STAG1: variants seen among roughly 807,000 people sequenced by gnomAD.
STAG1 encodes cohesin subunit SA-1.
STAG1 carries 26 observed loss-of-function variants against 170.9 expected under a neutral mutation model. That is an observed-to-expected ratio of 0.15 (90% CI 0.11 to 0.21). The LOEUF (loss-of-function observed/expected upper bound fraction) is 0.21, where lower values mean the gene tolerates loss of function less well. Ranked by LOEUF, STAG1 falls within the 10% of genes least tolerant of loss-of-function variation. The pLI, the probability that STAG1 is intolerant of heterozygous loss-of-function variation, is 1.00. For synonymous variants in STAG1, 514 were observed against 497.7 expected (o/e 1.03, Z -0.44); for missense variants, 964 against 1,509.5 (o/e 0.64, Z 5.99).
chr3:136,541,071 T>A (rs1338937550), intron 6 of STAG1, among the ~76,000 whole-genome samples: 2 of 152,032 alleles, frequency 1.3e-5, no homozygotes, highest in African/African-American at 4.8e-5. Context: ...TACATTAGAA[T>A]CACCTGATGA....
chr3:136,697,627 C>T (rs575667065), intron 1 of STAG1, among the ~76,000 whole-genome samples: 13 of 152,256 alleles, frequency 8.5e-5, no homozygotes, highest in Admixed American at 4.6e-4. Flanking sequence ...TGTCAATAGC[C>T]TAAAGTAGAA....
At chr3:136,723,862 C>A (rs1403236205) in intron 1 of STAG1, among the ~76,000 whole-genome samples, 1 of 149,536 alleles carries the variant, frequency 6.7e-6, no homozygotes, top group African/African-American at 2.5e-5. Flanking sequence ...CGGCCAGCCG[C>A]CCCGTCCGGG....
At chr3:136,732,029 A>G (rs1934070662) in intron 1 of STAG1, among the ~76,000 whole-genome samples, 1 of 152,164 alleles carries the variant, frequency 6.6e-6, no homozygotes. Context: ...GACTAAAAAA[A>G]TTACAGGAAA....
intron 21 of STAG1, among the ~76,000 whole-genome samples, chr3:136,399,579 T>A (rs763313749): frequency 3.1e-4 from 47 of 152,222 alleles, no homozygotes; most frequent in South Asian, 4.1e-4. Context: ...TTTAGTTCCG[T>A]GTAATATTTA....
At chr3:136,746,837 C>T (rs140048840) in intron 1 of STAG1, among the ~76,000 whole-genome samples, 24,499 of 151,906 alleles carry the variant, frequency 0.16, 2,414 homozygotes, top group Non-Finnish European at 0.22. Flanking sequence ...TGCCTCAAGC[C>T]TGTAATCCCA....
chr3:136,443,918 A>G (rs1173732564), intron 14 of STAG1, among the ~76,000 whole-genome samples: 1 of 152,116 alleles, frequency 6.6e-6, no homozygotes, highest in African/African-American at 2.4e-5. Flanking sequence ...GACTCATTTC[A>G]TTCCTTACTC....
chr3:136,618,678 T>G (rs546764192), intron 3 of STAG1, among the ~76,000 whole-genome samples: 1 of 152,182 alleles, frequency 6.6e-6, no homozygotes, highest in Non-Finnish European at 1.5e-5. Context: ...AATCCTGGAC[T>G]AGACCCTGAT....
chr3:136,516,585 A>G (rs1470720259), intron 7 of STAG1, among the ~76,000 whole-genome samples: 1 of 152,166 alleles, frequency 6.6e-6, no homozygotes, highest in Non-Finnish European at 1.5e-5. Flanking sequence ...TTGAAAGTTT[A>G]TCTACTTGTT....
chr3:136,532,618 C>A (rs929325215), intron 6 of STAG1, among the ~76,000 whole-genome samples: 1 of 151,992 alleles, frequency 6.6e-6, no homozygotes, highest in Non-Finnish European at 1.5e-5. Context: ...TTAACGTATG[C>A]AAATCAACAA....
chr3:136,577,371 T>G (rs1937502636), intron 4 of STAG1, among the ~76,000 whole-genome samples: 1 of 152,178 alleles, frequency 6.6e-6, no homozygotes, highest in Non-Finnish European at 1.5e-5. Flanking sequence ...TAATTCAGTC[T>G]CACCAAGTTT....
intron 20 of STAG1, among the ~76,000 whole-genome samples, 181 bp downstream of exon 20, chr3:136,420,900 CAGCCTCCTGAGT>C (rs2087934586): frequency 6.6e-6 from 1 of 152,182 alleles, no homozygotes. Context: ...TCTCCTGCCT[CAGCCTCCTGAGT>C]AGCTGGGACC....
intron 5 of STAG1, among the ~76,000 whole-genome samples, chr3:136,549,039 C>T (rs915037685): frequency 1.3e-5 from 2 of 152,156 alleles, no homozygotes; most frequent in Non-Finnish European, 2.9e-5. Context: ...CCTGCAAAAT[C>T]GTAAACATTA....
chr3:136,660,597 TTTAAA>T (rs1156281912), intron 1 of STAG1, among the ~76,000 whole-genome samples: 3 of 152,272 alleles, frequency 2.0e-5, no homozygotes, highest in Middle Eastern at 3.4e-3. Flanking sequence ...AAAGAGAGAC[TTTAAA>T]TTAATGTGAT....
At chr3:136,502,595 G>A in intron 8 of STAG1, 33 bp downstream of exon 8, 1 of 1,603,812 alleles carries the variant, frequency 6.2e-7, no homozygotes, top group Non-Finnish European at 8.5e-7. Flanking sequence ...CACATTTACA[G>A]AACATAAAAT....
chr3:136,431,184 G>C (rs1042052756), intron 16 of STAG1, among the ~76,000 whole-genome samples: 3 of 152,112 alleles, frequency 2.0e-5, no homozygotes, highest in Non-Finnish European at 4.4e-5. Context: ...GACTGCAGGA[G>C]TGAGCCACTG....
At chr3:136,501,759 ATTAAG>A (rs1158171435) in intron 8 of STAG1, among the ~76,000 whole-genome samples, 1 of 152,200 alleles carries the variant, frequency 6.6e-6, no homozygotes, top group Non-Finnish European at 1.5e-5. Context: ...TTATAAACCC[ATTAAG>A]TTATTATTCA....
chr3:136,641,293 C>T (rs1265425961), intron 1 of STAG1, among the ~76,000 whole-genome samples: 1 of 152,106 alleles, frequency 6.6e-6, no homozygotes, highest in African/African-American at 2.4e-5. Context: ...ACAGTAACTC[C>T]AGGAAATCCT....
intron 13 of STAG1, among the ~76,000 whole-genome samples, 183 bp downstream of exon 13, chr3:136,464,698 C>G (rs1321627828): frequency 6.6e-6 from 1 of 152,176 alleles, no homozygotes; most frequent in Non-Finnish European, 1.5e-5. Flanking sequence ...TCACAAGGTA[C>G]AGCATCCTCA....
intron 30 of STAG1, 151 bp downstream of exon 30, chr3:136,343,681 A>T: frequency 2.1e-6 from 1 of 486,764 alleles, no homozygotes; most frequent in Non-Finnish European, 3.4e-6. Context: ...CAGACTTTTT[A>T]TAGCTCTTCT....
Sources: allele counts gnomAD v4.1 joint callset (sites outside exome capture counted in the v4.1 genomes callset), GRCh38; gene constraint gnomAD v4.1.1; transcripts MANE v1.5; gene names NCBI Gene and HGNC (gene_info 2026-07-23, HGNC 2026-07-21).